Variants in CCNP observed in about 807,000 individuals in gnomAD.
The protein encoded by CCNP is cyclin-P.
In CCNP, 18 loss-of-function variants were observed where a neutral mutation model predicts 19.6. The ratio of observed to expected loss-of-function variants is 0.92; its 90% CI spans 0.64 to 1.36. The LOEUF (loss-of-function observed/expected upper bound fraction) is 1.36. Among genes scored for constraint, CCNP ranks in the 40% most tolerant of loss-of-function variants. The pLI is 0.00. For synonymous variants in CCNP, 228 were observed against 194.9 expected, an observed-to-expected ratio of 1.17 and a Z score of -1.41; for missense variants, 440 against 424.4, an observed-to-expected ratio of 1.04 and a Z score of -0.32.
In CCNP at chr19:40,223,247, C is replaced by A. The variant is rs532696748; in HGVS notation, c.729G>T (p.Ala243=). ...CCGCACGACGACCCGGCTCCCATCC[C>A]GCCGCCTCGGCCTCCAGCAAAGACA... ...LELSLLEAEA[A]GWEPGRRAAA... The change falls in exon 5 of 5, where the codon GCG becomes GCT. Residue 243 remains alanine, a synonymous_variant. Coordinates refer to ENST00000430325, the MANE Select transcript of CCNP (RefSeq NM_024877.4). The A allele has an allele frequency of 6.5e-7, 1 of 1,545,330 alleles. No individual in the cohort carries two copies.
At position 40,226,604 on chromosome 19, in the gene CCNP, C is replaced by A; in HGVS notation, c.38G>T (p.Arg13Leu). The change falls in exon 1 of 5, where the codon CGG becomes CTG. Residue 13 changes from arginine to leucine, a missense_variant. Coordinates refer to ENST00000430325, the MANE Select transcript of CCNP (RefSeq NM_024877.4). ...CCAGCGCCTAACGATAGGCCCGAGCCGGGAGCCGGACCCCTGGTCCCTGCC... is the reference window on the plus strand; with the variant it reads ...CCAGCGCCTAACGATAGGCCCGAGCAGGGAGCCGGACCCCTGGTCCCTGCC... ...VRGRDQGSGS[R>L]LGPIVRRWAP... The A allele has an allele frequency of 1.3e-6, 2 of 1,578,190 alleles. No homozygotes were observed. The highest frequency in any genetic ancestry group is 1.7e-6 in the Non-Finnish European group (2 of 1,163,570).
intron 1 of CCNP, among the ~76,000 whole-genome samples, chr19:40,225,449 T>C (rs1388304536): frequency 6.6e-6 from 1 of 152,062 alleles, no homozygotes; most frequent in Non-Finnish European, 1.5e-5. Flanking sequence ...ACCAAGGAAC[T>C]CCCCAGCTTA....
rs371417267 is a variant in CCNP at position 40,226,385 on chromosome 19, G to A, written c.257C>T (p.Ala86Val). Residue 86 changes from alanine to valine, a missense_variant, in exon 1 of 5, where the codon GCC becomes GTC. Coordinates refer to ENST00000430325, the MANE Select transcript of CCNP (RefSeq NM_024877.4). ...GGCGGGTAGGCTCACCATGACTTCG[G>A]CGAAGATGTCCCCGGCGTACTCGCG... ...GEREYAGDIF[A>V]EVMVCRVLPL... The A allele has an allele frequency of 5.0e-6, 8 of 1,606,192 alleles. No individual in the cohort carries two copies. The African/African-American group carries it at 5.3e-5, about 11-fold the overall frequency.
At position 40,223,008 on chromosome 19, in the gene CCNP, C is replaced by G. The variant is rs750021986; in HGVS notation, c.*44G>C. On this transcript the variant is annotated 3_prime_UTR_variant, in exon 5 of 5. Coordinates refer to ENST00000430325, the MANE Select transcript of CCNP (RefSeq NM_024877.4). ...ACTAATGGGGTCCTCCCACCCCATT[C>G]TCTCCCACACCCAGAAAAATCAAGT... is the stretch of plus-strand genomic sequence containing the variant. 6.7e-6 allele frequency: 8 copies of G among 1,186,994 alleles called. No homozygotes were observed. The highest frequency in any genetic ancestry group is 9.6e-6 in the Non-Finnish European group (8 of 837,130). The allele number at this position is 1,186,994 out of a possible 1,614,324, so 73.5% of individuals were successfully genotyped here.
intron 1 of CCNP, 38 bp downstream of exon 1, chr19:40,226,337 G>C (rs775712224): frequency 1.3e-6 from 2 of 1,579,330 alleles, no homozygotes; most frequent in African/African-American, 2.7e-5. Context: ...CGGTGGGCCG[G>C]CGTCGCCCTC....
chr19:40,223,383 C>A lies in CCNP; in HGVS notation c.672+5G>T. 6.6e-7 allele frequency: 1 copy of A among 1,525,980 alleles called. No homozygotes were observed. The highest frequency in any genetic ancestry group is 8.8e-7 in the Non-Finnish European group (1 of 1,136,646). 94.5% of individuals were successfully genotyped at this position (1,525,980 alleles called of 1,614,324 possible). A position where few individuals can be genotyped will look rare whatever the true frequency, so the allele number is the denominator to read the frequency against. On this transcript the variant is annotated splice_donor_5th_base_variant and intron_variant, in intron 4 of 4. Transcript: ENST00000430325. The stretch of plus-strand genomic sequence containing the variant: ...CCCCCACCCCGCGTATTCACAAGGG[C>A]TCACCTGGGGGCTGCTCCCTGCCAG...
At chr19:40,224,921 A>G (rs2145118245) in intron 1 of CCNP, 110 bp from the exon 2 acceptor site, 1 of 943,410 alleles carries the variant, frequency 1.1e-6, no homozygotes, top group Non-Finnish European at 1.6e-6. Flanking sequence ...CATCTTAGGC[A>G]TGCCACACCC....
rs1384428277 is a variant in CCNP, at chr19:40,224,827, G to A, written c.268-16C>T. On this transcript the variant is annotated splice_polypyrimidine_tract_variant and intron_variant, in intron 1 of 4. Coordinates refer to ENST00000430325, the MANE Select transcript of CCNP (RefSeq NM_024877.4). ...CGCGGCACACCTGGGGTTGGGGCAG[G>A]GACGCTTCACTCTCCACACCTGTGC... The A allele has an allele frequency of 6.5e-7, 1 of 1,547,036 alleles. No individual in the cohort carries two copies. The highest frequency in any genetic ancestry group is 8.7e-7 in the Non-Finnish European group (1 of 1,144,270).
intron 1 of CCNP, chr19:40,225,048 G>T: frequency 1.9e-6 from 1 of 514,252 alleles, no homozygotes; most frequent in Non-Finnish European, 3.4e-6. Flanking sequence ...CTCCCTCTAG[G>T]TTCCCAGACT....
chr19:40,225,061 ACT>A, intron 1 of CCNP: 1 of 386,258 alleles, frequency 2.6e-6, no homozygotes, highest in Non-Finnish European at 4.2e-6. Context: ...CCCAGACTTC[ACT>A]TTTTTTTTTT....
chr19:40,222,267 G>GT lies in CCNP; in HGVS notation c.*784dup. The GT allele has an allele frequency of 2.5e-6, 1 of 398,764 alleles. No individual in the cohort carries two copies. Among genetic ancestry groups the GT allele is most frequent in the Non-Finnish European group, 4.4e-6 (1 of 225,948 alleles). The allele number at this position is 398,764 out of a possible 1,614,324, so 24.7% of individuals were successfully genotyped here. On this transcript the variant is annotated 3_prime_UTR_variant, in exon 5 of 5. Coordinates refer to ENST00000430325, the MANE Select transcript of CCNP (RefSeq NM_024877.4). ...GACGGACACACACTGGGAGGGTTTT[G>GT]TTTTTTGTTGTTGATTTTTTTGTGA...
At chr19:40,224,369 C>A in intron 3 of CCNP, 119 bp downstream of exon 3, 1 of 1,104,680 alleles carries the variant, frequency 9.1e-7, no homozygotes, top group Non-Finnish European at 1.3e-6. Context: ...ATTGACAGCC[C>A]CTCCCTCATA....
In CCNP at chr19:40,226,469, C is replaced by A. The variant is rs1370105797; in HGVS notation, c.173G>T (p.Arg58Leu). The change falls in exon 1 of 5, where the codon CGC (arginine) becomes CTC (leucine). Residue 58 changes from arginine to leucine, a missense_variant. Transcript: ENST00000430325. The part of the protein sequence containing the change: ...FPAGPTVSPR[R>L]LARPPGLEEA... ...CTCCAGCCCCGGCGGCCTCGCCAGG[C>A]GTCTTGGGGAGACAGTGGGGCCCGC... 2 of 1,607,084 alleles carry A rather than the reference C, an allele frequency of 1.2e-6. No homozygotes were observed. The highest frequency in any genetic ancestry group is 1.3e-5 in the African/African-American group (1 of 74,698).
At position 40,223,274 on chromosome 19, in the gene CCNP, C is replaced by T; in HGVS notation, c.702G>A (p.Glu234=). The T allele has an allele frequency of 1.3e-6, 2 of 1,533,446 alleles. No homozygotes were observed. The highest frequency in any genetic ancestry group is 2.4e-5 in the South Asian group (2 of 82,978). 95.0% of individuals were successfully genotyped at this position (1,533,446 alleles called of 1,614,324 possible). ...QVMLLATYFL[E]LSLLEAEAAG... The stretch of plus-strand genomic sequence containing the variant: ...CCGCCTCGGCCTCCAGCAAAGACAG[C>T]TCCAGGAAGTAGGTGGCAAGTAACA... Residue 234 remains glutamate, a synonymous_variant, in exon 5 of 5, where the codon GAG becomes GAA. Transcript: ENST00000430325.
At chr19:40,225,515 C>G (rs929619676) in intron 1 of CCNP, among the ~76,000 whole-genome samples, 1 of 152,222 alleles carries the variant, frequency 6.6e-6, no homozygotes, top group African/African-American at 2.4e-5. Flanking sequence ...CTTTCAGGCT[C>G]TGCTCCAGCA....
At chr19:40,226,240 G>C (rs1599929288) in intron 1 of CCNP, 135 bp downstream of exon 1, 1 of 745,244 alleles carries the variant, frequency 1.3e-6, no homozygotes, top group African/African-American at 1.8e-5. Context: ...AAGCCTGGAC[G>C]TTGCAGGGAA....
In CCNP at chr19:40,223,972, G is replaced by T. The variant is rs532715805; in HGVS notation, c.514-426C>A. Among the ~76,000 whole-genome samples the T allele has an allele frequency of 3.5e-4, 53 of 150,382 alleles. No homozygotes were observed. The East Asian group carries it at 8.8e-3, about 25-fold the overall frequency. Reference sequence around the variant, plus strand: ...TTGGCTCCCCAAAGTGATTTGTTTTGTTTTTTTTTGTTGTTGTTGTTTGTT... The same window carrying T: ...TTGGCTCCCCAAAGTGATTTGTTTTTTTTTTTTTTGTTGTTGTTGTTTGTT... On this transcript the variant is annotated intron_variant, in intron 3 of 4. Coordinates refer to ENST00000430325, the MANE Select transcript of CCNP (RefSeq NM_024877.4).
chr19:40,223,220 A>G lies in CCNP; in HGVS notation c.756T>C (p.Ala252=), dbSNP rs1056102340. Residue 252 remains alanine (A), a synonymous_variant, in exon 5 of 5, where the codon GCT becomes GCC. Coordinates refer to ENST00000430325, the MANE Select transcript of CCNP (RefSeq NM_024877.4). ...AGCGGTGCGCCAGGCTCAGAGCCGC[A>G]GCCGCACGACGACCCGGCTCCCATC... The part of the protein sequence containing the change: ...AAGWEPGRRA[A]AALSLAHRLL... 34 of 1,549,006 alleles carry G rather than the reference A, an allele frequency of 2.2e-5. No individual in the cohort carries two copies. Among genetic ancestry groups the G allele is most frequent in the Admixed American group, 3.9e-5 (2 of 50,726 alleles).
chr19:40,226,568 G>C lies in CCNP; in HGVS notation c.74C>G (p.Pro25Arg), dbSNP rs772521839. Residue 25 changes from proline (P) to arginine (R), a missense_variant, in exon 1 of 5, where the codon CCC (proline) becomes CGC (arginine). Pro to Arg is a moderately radical substitution (Grantham distance 103). Coordinates refer to ENST00000430325, the MANE Select transcript of CCNP (RefSeq NM_024877.4). ...GPIVRRWAPR[P>R]SPLQSLAASL... is the part of the protein sequence containing the mutation. ...GGCAGCGAGACTCTGCAAAGGAGAG[G>C]GCCTGGGGGCCCAGCGCCTAACGAT... 2 of 1,577,532 alleles carry C rather than the reference G, an allele frequency of 1.3e-6. No homozygotes were observed. Among genetic ancestry groups the C allele is most frequent in the South Asian group, 1.2e-5 (1 of 86,392 alleles).
Sources: gnomAD v4.1 joint callset for allele counts (sites outside exome capture counted in the v4.1 genomes callset) on GRCh38, gnomAD v4.1.1 for gene constraint, MANE v1.5 for transcripts, NCBI Gene and HGNC (gene_info 2026-07-23, HGNC 2026-07-21) for gene names.